Variants in TMEM117 observed in about 807,000 individuals in gnomAD.
The protein encoded by TMEM117 is transmembrane protein 117.
A neutral mutation model predicts 52.4 loss-of-function variants in TMEM117; 27 were observed. The ratio of observed to expected loss-of-function variants is 0.51; its 90% CI spans 0.38 to 0.71. The LOEUF (loss-of-function observed/expected upper bound fraction) is 0.71. Among genes scored for constraint, TMEM117 ranks in the 30% least tolerant of loss-of-function variants. The pLI, the probability that TMEM117 is intolerant of heterozygous loss-of-function variation, is 0.00. For missense variants in TMEM117, 556 were observed against 630.5 expected, an observed-to-expected ratio of 0.88 and a Z score of 1.26; for synonymous variants, 215 against 206.3, an observed-to-expected ratio of 1.04 and a Z score of -0.36.
chr12:44,084,901 C>G (rs1947541541), intron 3 of TMEM117, among the ~76,000 whole-genome samples: 1 of 152,136 alleles, frequency 6.6e-6, no homozygotes, highest in African/African-American at 2.4e-5. Flanking sequence ...AATAAGTAAA[C>G]TTTATATGAG....
intron 6 of TMEM117, among the ~76,000 whole-genome samples, chr12:44,358,394 T>G (rs1211108416): frequency 6.6e-6 from 1 of 152,142 alleles, no homozygotes; most frequent in Non-Finnish European, 1.5e-5. Context: ...TATTCTTTAA[T>G]TAGAAATTCT....
intron 5 of TMEM117, among the ~76,000 whole-genome samples, chr12:44,225,198 C>G (rs17094325): frequency 0.1 from 15,778 of 152,152 alleles, 925 homozygotes; most frequent in Middle Eastern, 0.2. Flanking sequence ...GAACATACAA[C>G]TTTTAGGTTT....
intron 4 of TMEM117, among the ~76,000 whole-genome samples, chr12:44,175,158 A>AT (rs973768703): frequency 2.6e-5 from 4 of 152,144 alleles, no homozygotes; most frequent in Admixed American, 6.5e-5. Context: ...GAAATAGGGA[A>AT]TTTTTTTGAG....
chr12:43,973,766 T>C (rs1945628988), intron 3 of TMEM117, among the ~76,000 whole-genome samples: 2 of 152,218 alleles, frequency 1.3e-5, no homozygotes, highest in African/African-American at 4.8e-5. Context: ...CCAGATGTTA[T>C]AATTCTTTCT....
chr12:44,281,374 G>A (rs1003129279), intron 5 of TMEM117, among the ~76,000 whole-genome samples: 69 of 151,750 alleles, frequency 4.5e-4, no homozygotes, highest in African/African-American at 1.1e-3. Context: ...CTTTTGGGGC[G>A]TTATCAAAAT....
intron 5 of TMEM117, among the ~76,000 whole-genome samples, chr12:44,291,016 G>A (rs1397304504): frequency 6.6e-6 from 1 of 152,010 alleles, no homozygotes; most frequent in East Asian, 1.9e-4. Flanking sequence ...ATGTTTTTCT[G>A]ATTTCTTTGA....
chr12:44,153,998 CTT>C (rs1434570591), intron 4 of TMEM117, among the ~76,000 whole-genome samples: 4 of 151,990 alleles, frequency 2.6e-5, no homozygotes, highest in Non-Finnish European at 4.4e-5. Flanking sequence ...ATATTCTTCT[CTT>C]ATATATCTGA....
At chr12:44,328,093 A>G (rs1951220437) in intron 6 of TMEM117, among the ~76,000 whole-genome samples, 1 of 152,174 alleles carries the variant, frequency 6.6e-6, no homozygotes. Flanking sequence ...TCTCTAGTTG[A>G]TCAAAAACCC....
intron 2 of TMEM117, among the ~76,000 whole-genome samples, chr12:43,925,603 T>C (rs1944766205): frequency 6.6e-6 from 1 of 152,118 alleles, no homozygotes; most frequent in Admixed American, 6.5e-5. Context: ...TTTCCCAGGG[T>C]TTCCACATTT....
At chr12:44,198,892 A>T (rs188644739) in intron 4 of TMEM117, among the ~76,000 whole-genome samples, 26 of 152,164 alleles carry the variant, frequency 1.7e-4, no homozygotes, top group Admixed American at 1.4e-3. Flanking sequence ...AATCAAACAT[A>T]AAAAAAATGG....
intron 6 of TMEM117, among the ~76,000 whole-genome samples, chr12:44,370,667 G>A (rs1029170307): frequency 2.6e-5 from 4 of 152,032 alleles, no homozygotes; most frequent in Non-Finnish European, 5.9e-5. Flanking sequence ...ACAGGCATGA[G>A]CCACCATGCC....
At chr12:43,947,740 G>A (rs1322173495) in intron 3 of TMEM117, among the ~76,000 whole-genome samples, 1 of 152,140 alleles carries the variant, frequency 6.6e-6, no homozygotes, top group South Asian at 2.1e-4. Context: ...CTAGGAATAC[G>A]GGCCTAGAAT....
chr12:44,368,049 A>G (rs1437707323), intron 6 of TMEM117, among the ~76,000 whole-genome samples: 3 of 151,960 alleles, frequency 2.0e-5, no homozygotes, highest in African/African-American at 7.3e-5. Flanking sequence ...CTTCAATACA[A>G]TCATCTCATT....
intron 3 of TMEM117, among the ~76,000 whole-genome samples, chr12:44,141,907 T>A (rs1003632587): frequency 6.6e-6 from 1 of 152,294 alleles, no homozygotes; most frequent in African/African-American, 2.4e-5. Context: ...TTAGGATTTA[T>A]CTTAAAGGGA....
At chr12:43,895,562 G>A (rs576375832) in intron 2 of TMEM117, among the ~76,000 whole-genome samples, 58 of 152,238 alleles carry the variant, frequency 3.8e-4, no homozygotes, top group African/African-American at 1.0e-3. Flanking sequence ...GTGCTGTGGG[G>A]AATACAAAGG....
intron 3 of TMEM117, among the ~76,000 whole-genome samples, chr12:44,060,557 A>G (rs1210169958): frequency 6.6e-6 from 1 of 152,208 alleles, no homozygotes; most frequent in Non-Finnish European, 1.5e-5. Flanking sequence ...TGTGGTCTTC[A>G]TCTTCTAAGC....
At chr12:44,395,324 G>C in the TMEM117 span, among the ~76,000 whole-genome samples, 1 of 152,026 alleles carries the variant, frequency 6.6e-6, no homozygotes, top group South Asian at 2.1e-4. Flanking sequence ...TCCTATAATT[G>C]GTCCACTATC....
chr12:43,834,940 C>T (rs1328128337), upstream of TMEM117, among the ~76,000 whole-genome samples: 16 of 152,198 alleles, frequency 1.1e-4, no homozygotes, highest in East Asian at 3.1e-3. Flanking sequence ...AATCCGCGGA[C>T]ATCTCAGTTC....
intron 4 of TMEM117, among the ~76,000 whole-genome samples, chr12:44,202,773 G>T (rs938182479): frequency 2.0e-5 from 3 of 149,840 alleles, no homozygotes; most frequent in Non-Finnish European, 2.9e-5. Context: ...TCTGGTCCAG[G>T]ACTCCTTTGG....
Sources: allele counts gnomAD v4.1 joint callset (sites outside exome capture counted in the v4.1 genomes callset), GRCh38; gene constraint gnomAD v4.1.1; transcripts MANE v1.5; gene names NCBI Gene and HGNC (gene_info 2026-07-23, HGNC 2026-07-21).